The following CHRNB4 variants were observed in gnomAD, a reference collection of about 807,000 sequenced individuals.
CHRNB4 encodes cholinergic receptor nicotinic beta 4 subunit.
In CHRNB4, 23 loss-of-function variants were observed where a neutral mutation model predicts 40.4. The ratio of observed to expected loss-of-function variants is 0.57; its 90% CI spans 0.41 to 0.81. CHRNB4 has a LOEUF of 0.81. Ranked by LOEUF, CHRNB4 falls within the 30% of genes least tolerant of loss-of-function variation. The pLI is 0.00. For missense variants in CHRNB4, 568 were observed against 670.6 expected (o/e 0.85, Z 1.69); for synonymous variants, 285 against 274.4 (o/e 1.04, Z -0.38).
chr15:78,641,337 G>C, upstream of CHRNB4: 1 of 491,748 alleles, frequency 2.0e-6, no homozygotes, highest in Non-Finnish European at 3.5e-6. Context: ...GACGCCCCCT[G>C]GGTGGTCTGG....
Position 78,628,970 on chromosome 15 carries a change from C to G in CHRNB4, c.1335G>C (p.Gln445His), listed in dbSNP as rs773518857. 2.5e-6 allele frequency: 4 copies of G among 1,610,556 alleles called. No individual in the cohort carries two copies. The highest frequency in any genetic ancestry group is 3.4e-6 in the Non-Finnish European group (4 of 1,177,340). The change falls in exon 5 of 6, where the codon CAG becomes CAC. Residue 445 changes from glutamine to histidine, a missense_variant. Physicochemically the swap from Gln to His is conservative, Grantham distance 24. Around this residue, in one of 4 missense-constraint regions of CHRNB4, gnomAD observed 242 missense variants for 274.9 expected, o/e 0.88. Transcript: ENST00000261751. The stretch of plus-strand genomic sequence containing the variant: ...CAGGGGCTGGTTAGCAACTTACACT[C>G]TGGTCTTCATCGTCATTCTTCATGT... ...AQHMKNDDEDQSVVEDWKYVA... is the reference protein window; with the variant it reads ...AQHMKNDDEDHSVVEDWKYVA...
chr15:78,635,330 G>A, intron 2 of CHRNB4, 109 bp downstream of exon 2: 1 of 1,395,474 alleles, frequency 7.2e-7, no homozygotes. Flanking sequence ...GTACTGGTAA[G>A]TCTAAGTCAA....
chr15:78,655,114 C>T (rs961989370), intron 5 of CHRNB4, among the ~76,000 whole-genome samples: 2 of 152,164 alleles, frequency 1.3e-5, no homozygotes, highest in African/African-American at 2.4e-5. Context: ...TGTCATCCAC[C>T]GCTCCCTCCA....
intron 3 of CHRNB4, among the ~76,000 whole-genome samples, chr15:78,657,114 T>C (rs2054220998): frequency 6.6e-6 from 1 of 151,938 alleles, no homozygotes; most frequent in African/African-American, 2.4e-5. Flanking sequence ...AACCTCTGCC[T>C]CCTAGGTTCA....
chr15:78,629,608 G>C lies in CHRNB4; in HGVS notation c.697C>G (p.Leu233Val). Reference protein sequence around the residue: ...TYDFIIKRKPLFYTINLIIPC... With the variant: ...TYDFIIKRKPVFYTINLIIPC... Reference sequence around the variant, plus strand: ...ATGATGAGGTTGATGGTGTAGAACAGAGGCTTGCGCTTGATGATGAAGTCG... The same window carrying C: ...ATGATGAGGTTGATGGTGTAGAACACAGGCTTGCGCTTGATGATGAAGTCG... Residue 233 changes from leucine (L) to valine (V), a missense_variant, in exon 5 of 6, where the codon CTG becomes GTG. Leu to Val is a conservative substitution (Grantham distance 32). This residue lies in a region of CHRNB4 where 127 missense variants were observed against 167.4 expected (regional missense o/e 0.76). Coordinates refer to ENST00000261751, the MANE Select transcript of CHRNB4 (RefSeq NM_000750.5). This position sits in a 1 kb window ranked among gnomAD's most constrained non-coding sequence, Gnocchi z 6.8. The C allele has an allele frequency of 6.2e-7, 1 of 1,614,102 alleles. No individual in the cohort carries two copies. Among genetic ancestry groups the C allele is most frequent in the Non-Finnish European group, 8.5e-7 (1 of 1,180,018 alleles).
rs77883125 is a variant in CHRNB4, at chr15:78,654,169, G to C, written c.-110+1375C>G. 5.2e-3 allele frequency among the ~76,000 whole-genome samples: 793 copies of C among 152,294 alleles called. 3 individuals carry two copies. Among genetic ancestry groups the C allele is most frequent in the African/African-American group, 0.018 (736 of 41,554 alleles). On this transcript the variant is annotated intron_variant and NMD_transcript_variant, in intron 5 of 11. Transcript: ENST00000559849. ...CTCCTCTGGATGAACTTACCAGGGA[G>C]AGAAGAAGCCTAATGCTCTGTACCA...
intron 1 of CHRNB4, among the ~76,000 whole-genome samples, chr15:78,659,532 G>A (rs1396912592): frequency 6.6e-6 from 1 of 152,174 alleles, no homozygotes. Flanking sequence ...TGACAGAGAA[G>A]GGGTACCCTA....
chr15:78,658,667 T>G (rs116971060), intron 1 of CHRNB4, among the ~76,000 whole-genome samples: 1,551 of 152,326 alleles, frequency 0.01, 14 homozygotes, highest in Non-Finnish European at 0.016. Context: ...TAATAGTTCT[T>G]AAGTGCTTCC....
upstream of CHRNB4, among the ~76,000 whole-genome samples, chr15:78,643,769 G>A (rs1030475403): frequency 2.6e-5 from 4 of 152,024 alleles, no homozygotes; most frequent in African/African-American, 4.8e-5. Context: ...GAGTTAGCAA[G>A]GTTGAATTCA....
At chr15:78,635,213 T>A (rs1596110421) in intron 2 of CHRNB4, among the ~76,000 whole-genome samples, 1 of 152,212 alleles carries the variant, frequency 6.6e-6, no homozygotes, top group African/African-American at 2.4e-5. Context: ...TACCCAATGG[T>A]CATCCTGCTC....
At chr15:78,625,963 T>A (rs113770163) in intron 5 of CHRNB4, 1 of 152,384 alleles carries the variant, frequency 6.6e-6, no homozygotes, top group Non-Finnish European at 1.5e-5. Context: ...GGGGAGAACC[T>A]AGAGAAACGC....
chr15:78,659,544 C>T (rs549702394), intron 1 of CHRNB4, among the ~76,000 whole-genome samples: 5 of 152,300 alleles, frequency 3.3e-5, no homozygotes, highest in African/African-American at 7.2e-5. Context: ...GGTACCCTAG[C>T]TCTCTGAGGA....
At chr15:78,638,032 GGT>G (rs1183157597) in intron 1 of CHRNB4, among the ~76,000 whole-genome samples, 3 of 152,188 alleles carry the variant, frequency 2.0e-5, no homozygotes, top group Admixed American at 2.0e-4. Context: ...CATAGAGAGG[GGT>G]GTGTCTTGCC....
intron 7 of CHRNB4, among the ~76,000 whole-genome samples, chr15:78,647,793 G>A (rs942449841): frequency 7.0e-6 from 1 of 142,466 alleles, no homozygotes; most frequent in Non-Finnish European, 1.5e-5. Flanking sequence ...CCAGGAGGCG[G>A]AGCTTGCACT....
At chr15:78,653,356 C>G (rs890690313) in intron 5 of CHRNB4, among the ~76,000 whole-genome samples, 6 of 152,196 alleles carry the variant, frequency 3.9e-5, no homozygotes, top group African/African-American at 1.4e-4. Context: ...TCAGAAGCAT[C>G]TGGGCTTTCA....
At chr15:78,635,132 CAAG>C (rs1255915083) in intron 2 of CHRNB4, among the ~76,000 whole-genome samples, 2 of 152,150 alleles carry the variant, frequency 1.3e-5, no homozygotes, top group Non-Finnish European at 2.9e-5. Flanking sequence ...GCTGTAAAGA[CAAG>C]GAGGAGAAGC....
chr15:78,657,646 C>T (rs569091585), intron 2 of CHRNB4, among the ~76,000 whole-genome samples: 37 of 145,196 alleles, frequency 2.5e-4, no homozygotes, highest in Admixed American at 1.3e-3. Context: ...CTCAGCCTCC[C>T]GGGTTCACGC....
chr15:78,655,692 T>TTA (rs1213449720), intron 4 of CHRNB4: 1 of 151,912 alleles, frequency 6.6e-6, no homozygotes, highest in Non-Finnish European at 1.5e-5. Flanking sequence ...AAAAATTGTT[T>TTA]TAGTTACTCT....
chr15:78,641,368 TC>T (rs2054072301), upstream of CHRNB4: 1 of 459,112 alleles, frequency 2.2e-6, no homozygotes, highest in South Asian at 4.0e-5. Flanking sequence ...CCGCCTGGCT[TC>T]CCTATCTCTT....
Sources: gnomAD v4.1 joint callset for allele counts (sites outside exome capture counted in the v4.1 genomes callset) on GRCh38, gnomAD v4.1.1 for gene constraint, gnomAD v4.1.1 regional missense constraint, Gnocchi (gnomAD v3.1) non-coding constraint, MANE v1.5 for transcripts, NCBI Gene and HGNC (gene_info 2026-07-23, HGNC 2026-07-21) for gene names.